EPS15: variants seen among roughly 807,000 people sequenced by gnomAD.
EPS15 encodes the protein epidermal growth factor receptor substrate 15.
EPS15 carries 72 observed loss-of-function variants against 113.8 expected under a neutral mutation model. The ratio of observed to expected loss-of-function variants is 0.63; its 90% confidence interval spans 0.52 to 0.77. EPS15 has a LOEUF of 0.77. Ranked by LOEUF, EPS15 falls within the 30% of genes least tolerant of loss-of-function variation. EPS15 has a pLI of 0.00. For missense variants in EPS15, 1,048 were observed against 1,045.8 expected, an observed-to-expected ratio of 1.00 and a Z score of -0.03; for synonymous variants, 344 against 363.4, an observed-to-expected ratio of 0.95 and a Z score of 0.61.
At chr1:51,389,930 AC>A (rs1647214996) in intron 21 of EPS15, among the ~76,000 whole-genome samples, 3 of 152,238 alleles carry the variant, frequency 2.0e-5, no homozygotes, top group Non-Finnish European at 4.4e-5. Context: ...CCATCAAGCT[AC>A]CAATGACTTT....
intron 1 of EPS15, among the ~76,000 whole-genome samples, chr1:51,514,610 C>G (rs1644681437): frequency 6.6e-6 from 1 of 152,178 alleles, no homozygotes; most frequent in Non-Finnish European, 1.5e-5. Context: ...AGATTCTGAA[C>G]TATGATTCGT....
intron 10 of EPS15, among the ~76,000 whole-genome samples, chr1:51,446,262 T>C (rs967333512): frequency 6.6e-6 from 1 of 152,230 alleles, no homozygotes; most frequent in African/African-American, 2.4e-5. Context: ...GGACCAAGTA[T>C]GTTATTCCTA....
At chr1:51,388,849 C>A (rs1236637703) in intron 21 of EPS15, among the ~76,000 whole-genome samples, 3 of 152,056 alleles carry the variant, frequency 2.0e-5, no homozygotes, top group Non-Finnish European at 4.4e-5. Flanking sequence ...CAAAAAGAGT[C>A]CAGGACCAGA....
At chr1:51,513,572 G>C in intron 1 of EPS15, among the ~76,000 whole-genome samples, 1 of 152,150 alleles carries the variant, frequency 6.6e-6, no homozygotes, top group East Asian at 1.9e-4. Context: ...AAGCAAATGA[G>C]GGCCTAAAGC....
chr1:51,490,573 A>C (rs1644214767), intron 1 of EPS15, among the ~76,000 whole-genome samples: 1 of 151,750 alleles, frequency 6.6e-6, no homozygotes, highest in Non-Finnish European at 1.5e-5. Flanking sequence ...TCAAAAAAAA[A>C]AAAAAAAAAA....
At chr1:51,493,591 T>C (rs1644279334) in intron 1 of EPS15, among the ~76,000 whole-genome samples, 1 of 150,380 alleles carries the variant, frequency 6.6e-6, no homozygotes, top group African/African-American at 2.4e-5. Context: ...AATAAAGCTC[T>C]ATTCTTTTGA....
rs1646765466 is a variant in EPS15, at chr1:51,375,093, C to T, written c.2120-9064G>A. Among the ~76,000 whole-genome samples the T allele has an allele frequency of 2.7e-5, 4 of 149,588 alleles. No homozygotes were observed. The South Asian group carries it at 8.5e-4, about 32-fold the overall frequency. ...CTTGGCTCACTGCAAGCTCTGCCTCCTCGGTTCACGCCATTCTCCTGCCTC... is the reference window on the plus strand; with the variant it reads ...CTTGGCTCACTGCAAGCTCTGCCTCTTCGGTTCACGCCATTCTCCTGCCTC... On this transcript the variant is annotated intron_variant, in intron 21 of 24. Coordinates refer to ENST00000371733, the MANE Select transcript of EPS15 (RefSeq NM_001981.3).
At chr1:51,491,129 C>T (rs1242587202) in intron 1 of EPS15, among the ~76,000 whole-genome samples, 1 of 151,944 alleles carries the variant, frequency 6.6e-6, no homozygotes, top group Non-Finnish European at 1.5e-5. Context: ...AGATTTTATC[C>T]CTTCAAATAA....
chr1:51,365,839 G>C, intron 22 of EPS15, 114 bp downstream of exon 22: 2 of 602,310 alleles, frequency 3.3e-6, no homozygotes, highest in Non-Finnish European at 5.8e-6. Context: ...CATTTGCTGT[G>C]ATTTACTGAA....
At chr1:51,507,379 T>C (rs1360359088) in intron 1 of EPS15, among the ~76,000 whole-genome samples, 2 of 152,078 alleles carry the variant, frequency 1.3e-5, no homozygotes, top group Non-Finnish European at 1.5e-5. Context: ...GAAAACAGAA[T>C]AGGCCAGGTG....
chr1:51,445,974 T>C (rs892850725), intron 10 of EPS15, among the ~76,000 whole-genome samples: 7 of 152,218 alleles, frequency 4.6e-5, no homozygotes, highest in African/African-American at 1.7e-4. Context: ...AGGCACTCAA[T>C]AGTGGCAGCT....
intron 16 of EPS15, 24 bp from the exon 17 acceptor site, chr1:51,403,556 AT>A (rs1648793913): frequency 1.5e-6 from 2 of 1,314,836 alleles, no homozygotes; most frequent in Admixed American, 2.1e-5. Context: ...ATGCAAGTAG[AT>A]TAACAATATA....
At chr1:51,412,384 A>T (rs1030337492) in intron 13 of EPS15, among the ~76,000 whole-genome samples, 5 of 152,210 alleles carry the variant, frequency 3.3e-5, no homozygotes, top group Non-Finnish European at 5.9e-5. Flanking sequence ...ATAATAATAA[A>T]AAAGAATTAG....
At chr1:51,386,666 A>T (rs1647083844) in intron 21 of EPS15, among the ~76,000 whole-genome samples, 1 of 152,274 alleles carries the variant, frequency 6.6e-6, no homozygotes, top group African/African-American at 2.4e-5. Flanking sequence ...GAACTACGTG[A>T]AGAATGCAGA....
At chr1:51,428,780 T>C (rs540462860) in intron 12 of EPS15, among the ~76,000 whole-genome samples, 30 of 145,432 alleles carry the variant, frequency 2.1e-4, no homozygotes, top group Middle Eastern at 3.7e-3. Flanking sequence ...TGAGCCGAGA[T>C]TGCACTGCTG....
intron 10 of EPS15, among the ~76,000 whole-genome samples, chr1:51,446,698 A>C (rs1445616057): frequency 6.6e-6 from 1 of 151,922 alleles, no homozygotes; most frequent in East Asian, 1.9e-4. Context: ...CAGGTGATCC[A>C]CCCACCTCGG....
intron 13 of EPS15, among the ~76,000 whole-genome samples, chr1:51,411,526 T>C (rs993033582): frequency 4.6e-5 from 7 of 152,228 alleles, no homozygotes; most frequent in African/African-American, 1.4e-4. Flanking sequence ...TTTAAGAGAC[T>C]TGAAATTATA....
chr1:51,414,661 A>G (rs1217187388), intron 13 of EPS15, among the ~76,000 whole-genome samples: 1 of 152,148 alleles, frequency 6.6e-6, no homozygotes, highest in Non-Finnish European at 1.5e-5. Flanking sequence ...CATACCCCAA[A>G]GAAAAATATT....
intron 12 of EPS15, among the ~76,000 whole-genome samples, chr1:51,426,688 C>T (rs1651221110): frequency 6.6e-6 from 1 of 151,836 alleles, no homozygotes; most frequent in African/African-American, 2.4e-5. Flanking sequence ...ATAAGGAATT[C>T]TATCTCAGAT....
Sources: gnomAD v4.1 joint callset for allele counts (sites outside exome capture counted in the v4.1 genomes callset) on GRCh38, gnomAD v4.1.1 for gene constraint, MANE v1.5 for transcripts, NCBI Gene and HGNC (gene_info 2026-07-23, HGNC 2026-07-21) for gene names.